FOCAD: variants seen among roughly 807,000 people sequenced by gnomAD.
FOCAD encodes the protein focadhesin.
Under a neutral mutation model 225.6 loss-of-function variants are expected in FOCAD, and 198 were observed. The observed-to-expected ratio is 0.88, with a 90% confidence interval of 0.78 to 0.99. The LOEUF (loss-of-function observed/expected upper bound fraction) is 0.99. Among genes scored for constraint, FOCAD ranks in the 50% least tolerant of loss-of-function variants. FOCAD has a pLI of 0.00. For synonymous variants in FOCAD, 897 were observed against 755.0 expected (o/e 1.19, Z -3.08); for missense variants, 2,713 against 2,123.6 (o/e 1.28, Z -5.46).
intron 10 of FOCAD, among the ~76,000 whole-genome samples, chr9:20,785,910 C>T (rs1819876177): frequency 6.6e-6 from 1 of 152,120 alleles, no homozygotes; most frequent in South Asian, 2.1e-4. Context: ...CTGTCCTCGA[C>T]AATTGTTGTT....
At chr9:20,977,696 A>G (rs565524961) in intron 36 of FOCAD, among the ~76,000 whole-genome samples, 15 of 152,360 alleles carry the variant, frequency 9.8e-5, no homozygotes, top group Middle Eastern at 3.4e-3. Context: ...AGAGATAAAG[A>G]TAATTTTGAC....
chr9:20,822,453 A>C (rs1824430911), intron 14 of FOCAD, among the ~76,000 whole-genome samples: 1 of 152,046 alleles, frequency 6.6e-6, no homozygotes, highest in Non-Finnish European at 1.5e-5. Flanking sequence ...GAGGAGGATG[A>C]GTGAATGAAT....
intron 4 of FOCAD, among the ~76,000 whole-genome samples, chr9:20,725,442 G>T (rs1826118002): frequency 1.3e-5 from 2 of 152,200 alleles, no homozygotes; most frequent in South Asian, 2.1e-4. Context: ...AGAGAGAGGG[G>T]GGTGGATAGA....
chr9:20,839,424 A>G (rs764859692), intron 15 of FOCAD, among the ~76,000 whole-genome samples: 3 of 151,294 alleles, frequency 2.0e-5, no homozygotes, highest in Non-Finnish European at 4.4e-5. Flanking sequence ...GTGCCTGACT[A>G]ATTGTTTTTG....
chr9:20,729,740 A>G (rs541900091), intron 4 of FOCAD, among the ~76,000 whole-genome samples: 16 of 152,314 alleles, frequency 1.1e-4, no homozygotes, highest in Non-Finnish European at 1.9e-4. Flanking sequence ...CCACATGGAA[A>G]TAGGTATTTC....
chr9:20,950,932 G>T lies in FOCAD; in HGVS notation c.3949-64G>T, dbSNP rs113236646. On this transcript the variant is annotated intron_variant, in intron 33 of 43. Coordinates refer to ENST00000338382, the MANE Select transcript of FOCAD (RefSeq NM_001375567.1). The stretch of plus-strand genomic sequence containing the variant: ...AAATGACTGGTGACTTTCTGTGAGT[G>T]ACCTTTTATTGAATGGAACTTGGAT... The T allele has an allele frequency of 8.2e-3, 11,562 of 1,407,946 alleles. 62 individuals are homozygous for T. Among genetic ancestry groups the T allele is most frequent in the Non-Finnish European group, 0.01 (10,401 of 995,330 alleles). 87.2% of individuals were successfully genotyped at this position (1,407,946 alleles called of 1,614,324 possible).
At chr9:20,779,943 C>G (rs142573315) in intron 9 of FOCAD, among the ~76,000 whole-genome samples, 2 of 152,056 alleles carry the variant, frequency 1.3e-5, no homozygotes, top group African/African-American at 4.8e-5. Flanking sequence ...GCTTTATGTT[C>G]GCTTATACCT....
chr9:20,933,610 CATTG>C (rs1280865243), intron 28 of FOCAD, among the ~76,000 whole-genome samples: 3 of 152,014 alleles, frequency 2.0e-5, no homozygotes, highest in Non-Finnish European at 2.9e-5. Flanking sequence ...TTTATCCACT[CATTG>C]ATTGATGGGT....
chr9:20,911,073 A>G lies in FOCAD; in HGVS notation c.2719-1793A>G, dbSNP rs372367952. On this transcript the variant is annotated intron_variant, in intron 22 of 43. Transcript: ENST00000338382. ...GCATTATAGGAAATGTTTTAGGAGT[A>G]AGGAGGCATAATTTAAGAAGCATAA... Among the ~76,000 whole-genome samples the G allele has an allele frequency of 1.7e-4, 26 of 152,202 alleles. No individual in the cohort carries two copies. In the East Asian group the frequency reaches 2.5e-3, roughly 15 times the overall value.
intron 4 of FOCAD, among the ~76,000 whole-genome samples, chr9:20,727,861 C>G (rs1015257620): frequency 6.6e-6 from 1 of 152,304 alleles, no homozygotes; most frequent in East Asian, 1.9e-4. Context: ...CAACCCAAAC[C>G]CAAACCCTTT....
rs554759259 is a variant in FOCAD, at chr9:20,894,316, T to C, written c.2625+9086T>C. Among the ~76,000 whole-genome samples the C allele has an allele frequency of 2.0e-4, 30 of 152,292 alleles. No individual in the cohort carries two copies. The East Asian group carries it at 5.2e-3, about 26-fold the overall frequency. On this transcript the variant is annotated intron_variant, in intron 21 of 43. Coordinates refer to ENST00000338382, the MANE Select transcript of FOCAD (RefSeq NM_001375567.1). Reference sequence around the variant, plus strand: ...TTGGTTGCTTCCAAGTTTTAGCAAATATGTATAAAACTACTTTAAACATCT... The same window carrying C: ...TTGGTTGCTTCCAAGTTTTAGCAAACATGTATAAAACTACTTTAAACATCT...
At chr9:20,815,123 G>GTTTTTTTTT (rs71334554) in intron 11 of FOCAD, among the ~76,000 whole-genome samples, 12 of 85,382 alleles carry the variant, frequency 1.4e-4, no homozygotes, top group Non-Finnish European at 1.8e-4. Context: ...ACTTCTCTTT[G>GTTTTTTTTT]TTTTTTTTTT....
intron 4 of FOCAD, among the ~76,000 whole-genome samples, chr9:20,722,553 A>G (rs1222477842): frequency 6.6e-6 from 1 of 152,196 alleles, no homozygotes; most frequent in Non-Finnish European, 1.5e-5. Context: ...ACTCTCTCTG[A>G]CACTTAGTAG....
chr9:20,834,461 A>G (rs1013507021), intron 15 of FOCAD, among the ~76,000 whole-genome samples: 5 of 152,102 alleles, frequency 3.3e-5, no homozygotes, highest in African/African-American at 1.2e-4. Context: ...GTTGGAAAAA[A>G]GAAAAGAAAA....
At chr9:20,976,594 T>G in intron 36 of FOCAD, 46 bp downstream of exon 36, 1 of 1,586,088 alleles carries the variant, frequency 6.3e-7, no homozygotes, top group Non-Finnish European at 8.6e-7. Context: ...ATTTTAGTAT[T>G]TGACCTGAAT....
intron 25 of FOCAD, among the ~76,000 whole-genome samples, chr9:20,924,637 CT>C (rs751445474): frequency 1.3e-5 from 2 of 151,852 alleles, no homozygotes; most frequent in Non-Finnish European, 2.9e-5. Flanking sequence ...TATCTGTATT[CT>C]TTTTTTGTTG....
At chr9:20,716,519 T>A (rs962944913) in intron 2 of FOCAD, among the ~76,000 whole-genome samples, 4 of 152,156 alleles carry the variant, frequency 2.6e-5, no homozygotes, top group African/African-American at 9.6e-5. Context: ...AAATTCAACC[T>A]GGTGGGGAAT....
intron 2 of FOCAD, among the ~76,000 whole-genome samples, chr9:20,660,902 G>A (rs542877276): frequency 2.0e-5 from 3 of 152,120 alleles, no homozygotes; most frequent in African/African-American, 7.2e-5. Flanking sequence ...GAGAGAGAGA[G>A]AGCAATTTGG....
At chr9:20,713,587 G>A (rs1563904266) in intron 1 of FOCAD, among the ~76,000 whole-genome samples, 1 of 152,006 alleles carries the variant, frequency 6.6e-6, no homozygotes, top group African/African-American at 2.4e-5. Flanking sequence ...ATTATCTGCT[G>A]CTTTCTACTA....
Sources: gnomAD v4.1 joint callset for allele counts (sites outside exome capture counted in the v4.1 genomes callset) on GRCh38, gnomAD v4.1.1 for gene constraint, MANE v1.5 for transcripts, NCBI Gene and HGNC (gene_info 2026-07-23, HGNC 2026-07-21) for gene names.